Variants in SLCO3A1 observed in about 807,000 individuals in gnomAD.
SLCO3A1 encodes PGE1 transporter.
A neutral mutation model predicts 63.1 loss-of-function variants in SLCO3A1; 27 were observed. The ratio of observed to expected loss-of-function variants is 0.43; its 90% CI spans 0.32 to 0.59. SLCO3A1 has a LOEUF of 0.59. SLCO3A1 is among the 20% of genes least tolerant of loss of function. SLCO3A1 has a pLI of 0.09. For synonymous variants in SLCO3A1, 473 were observed against 409.9 expected (o/e 1.15, Z -1.86); for missense variants, 773 against 945.8 (o/e 0.82, Z 2.40).
chr15:91,956,477 G>C (rs544598889), intron 2 of SLCO3A1, among the ~76,000 whole-genome samples: 1 of 152,248 alleles, frequency 6.6e-6, no homozygotes, highest in South Asian at 2.1e-4. Context: ...AAGAGAAGCA[G>C]TTTGCAAAAG....
chr15:92,106,634 G>C (rs753174452), intron 4 of SLCO3A1, among the ~76,000 whole-genome samples: 1 of 152,152 alleles, frequency 6.6e-6, no homozygotes, highest in Non-Finnish European at 1.5e-5. Flanking sequence ...GTAATCACTT[G>C]TCTTTCATCT....
intron 2 of SLCO3A1, among the ~76,000 whole-genome samples, chr15:91,923,328 G>GC (rs1210369435): frequency 6.6e-6 from 1 of 152,198 alleles, no homozygotes; most frequent in Non-Finnish European, 1.5e-5. Context: ...TTGGACAAGA[G>GC]CCCTTGGAAC....
At chr15:92,111,211 C>T (rs1366149145) in intron 4 of SLCO3A1, among the ~76,000 whole-genome samples, 1 of 152,188 alleles carries the variant, frequency 6.6e-6, no homozygotes, top group Non-Finnish European at 1.5e-5. Context: ...ATAGCTCAGG[C>T]CTGGCCACAG....
Position 91,886,085 on chromosome 15 carries a change from G to A in SLCO3A1, c.181-29908G>A, listed in dbSNP as rs1897717695. Among the ~76,000 whole-genome samples the A allele has an allele frequency of 6.6e-6, 1 of 152,048 alleles. No individual in the cohort carries two copies. The highest frequency in any genetic ancestry group is 1.9e-4 in the East Asian group (1 of 5,186). ...GAGTTGGTCCCTTTTAAATATTGGG[G>A]CTGGCAAATCTGACTAGTCCATTTC... On this transcript the variant is annotated intron_variant, in intron 1 of 9. Transcript: ENST00000318445. The surrounding 1 kb of genome is among the most constrained non-coding windows in gnomAD (Gnocchi z 4.9).
chr15:92,128,302 T>C lies in SLCO3A1; in HGVS notation c.1374-49T>C, dbSNP rs540781873. ...AAGGCTGTCACTGGGGGCATCTGAT[T>C]CCGAATTGACCTGTTTCTAATGGCT... is the stretch of plus-strand genomic sequence containing the variant. On this transcript the variant is annotated intron_variant, in intron 6 of 9. Transcript: ENST00000318445. The C allele has an allele frequency of 2.5e-6, 4 of 1,611,748 alleles. No homozygotes were observed. In the African/African-American group the frequency reaches 5.3e-5, roughly 22 times the overall value.
chr15:92,034,834 G>A (rs758085508), intron 2 of SLCO3A1, among the ~76,000 whole-genome samples: 19 of 151,926 alleles, frequency 1.3e-4, no homozygotes, highest in Middle Eastern at 3.2e-3. Context: ...TGAAAATAAC[G>A]CTTCCATGTA....
At chr15:91,951,553 CTTTTCT>C (rs1280566888) in intron 2 of SLCO3A1, among the ~76,000 whole-genome samples, 2 of 145,894 alleles carry the variant, frequency 1.4e-5, no homozygotes, top group Non-Finnish European at 3.0e-5. Flanking sequence ...TTTCTTTTTT[CTTTTCT>C]TTTTTTTTTT....
intron 2 of SLCO3A1, among the ~76,000 whole-genome samples, chr15:91,971,352 G>C (rs1038905438): frequency 6.2e-5 from 7 of 112,362 alleles, no homozygotes; most frequent in Non-Finnish European, 1.1e-4. Flanking sequence ...CCGAGGTCGT[G>C]CCACTGCACT....
At chr15:91,979,753 G>A (rs1036626386) in intron 2 of SLCO3A1, among the ~76,000 whole-genome samples, 2 of 152,074 alleles carry the variant, frequency 1.3e-5, no homozygotes, top group African/African-American at 2.4e-5. Context: ...GTGACTCTTC[G>A]GTATACAATG....
intron 2 of SLCO3A1, among the ~76,000 whole-genome samples, chr15:92,006,249 C>T (rs1406497353): frequency 2.0e-5 from 3 of 152,120 alleles, no homozygotes; most frequent in Non-Finnish European, 4.4e-5. Context: ...AAGAGCAGGG[C>T]CTGTTCGCCA....
Position 92,163,379 on chromosome 15 carries a change from C to G in SLCO3A1, c.*244C>G, listed in dbSNP as rs2048464826. On this transcript the variant is annotated 3_prime_UTR_variant, in exon 10 of 10. Transcript: ENST00000318445. ...GGAGGCCACTTGCGCGGCTGGGCCACAGAGTCTACTTTGAAGGCACCTCAT... is the reference window on the plus strand; with the variant it reads ...GGAGGCCACTTGCGCGGCTGGGCCAGAGAGTCTACTTTGAAGGCACCTCAT... 7.0e-6 allele frequency: 8 copies of G among 1,142,916 alleles called. No individual in the cohort carries two copies. The South Asian group carries it at 2.9e-4, about 41-fold the overall frequency. 70.8% of individuals were successfully genotyped at this position (1,142,916 alleles called of 1,614,324 possible).
rs551299444 is a variant in SLCO3A1, at chr15:92,143,459, A to ATT, written c.1513-3525_1513-3524insTT. On this transcript the variant is annotated intron_variant, in intron 7 of 9. Transcript: ENST00000318445. The stretch of plus-strand genomic sequence containing the variant: ...TATATAATATATATATAATATATAT[A>ATT]ATATATATAAATATATATATATATT... Among the ~76,000 whole-genome samples, 30 of 4,402 alleles carry ATT rather than the reference A, an allele frequency of 6.8e-3. 11 individuals are homozygous for ATT. The highest frequency in any genetic ancestry group is 0.061 in the African/African-American group (30 of 492). The allele number at this position is 4,402 out of a possible 152,430, so 2.9% of individuals were successfully genotyped here.
chr15:92,095,780 C>T (rs2047531193), intron 3 of SLCO3A1, among the ~76,000 whole-genome samples: 4 of 152,138 alleles, frequency 2.6e-5, no homozygotes, highest in Admixed American at 2.0e-4. Context: ...CTCTCAGGAT[C>T]GATAAGCATT....
In SLCO3A1 at chr15:91,968,596, G is replaced by A. The variant is rs566488703; in HGVS notation, c.646+52138G>A. Reference sequence around the variant, plus strand: ...AAGGAAGTTCCATCACAGACAAGGAGTGAGAAGAAGCCAGGGTAGAAACAA... The same window carrying A: ...AAGGAAGTTCCATCACAGACAAGGAATGAGAAGAAGCCAGGGTAGAAACAA... On this transcript the variant is annotated intron_variant, in intron 2 of 9. Transcript: ENST00000318445. The surrounding 1 kb of genome is among the most constrained non-coding windows in gnomAD (Gnocchi z 4.2). 6.6e-6 allele frequency among the ~76,000 whole-genome samples: 1 copy of A among 152,154 alleles called. No individual in the cohort carries two copies. Among genetic ancestry groups the A allele is most frequent in the African/African-American group, 2.4e-5 (1 of 41,434 alleles).
Position 91,950,286 on chromosome 15 carries a change from G to T in SLCO3A1, c.646+33828G>T, listed in dbSNP as rs932652406. ...TGTATTGTGGAGGGGATTGCAGGGG[G>T]CTGGGGAAGCAGAGATCAGTCTGCA... On this transcript the variant is annotated intron_variant, in intron 2 of 9. Coordinates refer to ENST00000318445, the MANE Select transcript of SLCO3A1 (RefSeq NM_013272.4). The surrounding 1 kb of genome is among the most constrained non-coding windows in gnomAD (Gnocchi z 4.4). 1.3e-5 allele frequency among the ~76,000 whole-genome samples: 2 copies of T among 152,190 alleles called. No individual in the cohort carries two copies. Among genetic ancestry groups the T allele is most frequent in the African/African-American group, 2.4e-5 (1 of 41,450 alleles).
Position 91,950,196 on chromosome 15 carries a change from G to A in SLCO3A1, c.646+33738G>A, listed in dbSNP as rs1303388423. Among the ~76,000 whole-genome samples, 1 of 152,234 alleles carries A rather than the reference G, an allele frequency of 6.6e-6. No individual in the cohort carries two copies. The highest frequency in any genetic ancestry group is 2.4e-5 in the African/African-American group (1 of 41,460). On this transcript the variant is annotated intron_variant, in intron 2 of 9. Coordinates refer to ENST00000318445, the MANE Select transcript of SLCO3A1 (RefSeq NM_013272.4). This position sits in a 1 kb window ranked among gnomAD's most constrained non-coding sequence, Gnocchi z 4.4. ...AGAGGAAGCAGCTGGAATGAGGTAG[G>A]GAGGCCTGATGGTATGGAGTCTGCA...
chr15:91,964,374 A>G (rs1900578552), intron 2 of SLCO3A1, among the ~76,000 whole-genome samples: 1 of 151,876 alleles, frequency 6.6e-6, no homozygotes, highest in South Asian at 2.1e-4. Flanking sequence ...AGGGCATGGT[A>G]AATGTATTTG....
At position 92,033,394 on chromosome 15, in the gene SLCO3A1, A is replaced by G. The variant is rs554477771; in HGVS notation, c.647-61487A>G. On this transcript the variant is annotated intron_variant, in intron 2 of 9. Transcript: ENST00000318445. The surrounding 1 kb of genome is among the most constrained non-coding windows in gnomAD (Gnocchi z 4.5). ...TTCCTCCTCTTGCATTCTCCCTCCA[A>G]CTCTCTTCCCCTTAGTGGAGAAGTA... is the stretch of plus-strand genomic sequence containing the variant. 5.5e-4 allele frequency among the ~76,000 whole-genome samples: 84 copies of G among 151,712 alleles called. No individual in the cohort carries two copies. Among genetic ancestry groups the G allele is most frequent in the African/African-American group, 1.9e-3 (80 of 41,346 alleles).
chr15:92,117,298 T>G (rs965074534), intron 4 of SLCO3A1, among the ~76,000 whole-genome samples: 5 of 152,200 alleles, frequency 3.3e-5, no homozygotes, highest in Admixed American at 1.3e-4. Context: ...AATCAGCAAA[T>G]GCTGGAGGTA....
Sources: gnomAD v4.1 joint callset for allele counts (sites outside exome capture counted in the v4.1 genomes callset) on GRCh38, gnomAD v4.1.1 for gene constraint, Gnocchi (gnomAD v3.1) non-coding constraint, MANE v1.5 for transcripts, NCBI Gene and HGNC (gene_info 2026-07-23, HGNC 2026-07-21) for gene names.